ABTB3: variants seen among roughly 807,000 people sequenced by gnomAD.
The protein encoded by ABTB3 is ankyrin repeat and BTB domain containing 3.
chr12:107,581,158 C>T, the ABTB3 span: 4 of 1,543,884 alleles, frequency 2.6e-6, no homozygotes, highest in Non-Finnish European at 3.5e-6. Flanking sequence ...GCAGGCCCTT[C>T]CTCGTGCTGC....
chr12:107,369,720 T>C, the ABTB3 span, among the ~76,000 whole-genome samples: 1 of 147,438 alleles, frequency 6.8e-6, no homozygotes, highest in East Asian at 2.0e-4. Context: ...TTTTTTTTTT[T>C]TTTTTTTTTT....
At chr12:107,457,249 A>C in the ABTB3 span, among the ~76,000 whole-genome samples, 1 of 152,208 alleles carries the variant, frequency 6.6e-6, no homozygotes, top group Admixed American at 6.5e-5. Flanking sequence ...TAATGGTCTG[A>C]CAAGCTCATC....
the ABTB3 span, among the ~76,000 whole-genome samples, chr12:107,414,884 T>TAAGCC: frequency 6.6e-6 from 1 of 151,912 alleles, no homozygotes; most frequent in Non-Finnish European, 1.5e-5. Context: ...TGCCTGATTT[T>TAAGCC]TGTATTTTTA....
the ABTB3 span, among the ~76,000 whole-genome samples, chr12:107,582,796 C>G: frequency 6.6e-6 from 1 of 152,144 alleles, no homozygotes; most frequent in African/African-American, 2.4e-5. Flanking sequence ...CAGGGGTGGG[C>G]GGGGCACATT....
chr12:107,633,729 C>T, the ABTB3 span, among the ~76,000 whole-genome samples: 1 of 152,182 alleles, frequency 6.6e-6, no homozygotes, highest in African/African-American at 2.4e-5. Flanking sequence ...AAATTTATAG[C>T]CCACAGCCCA....
chr12:107,653,461 G>A, the ABTB3 span, among the ~76,000 whole-genome samples: 155 of 151,814 alleles, frequency 1.0e-3, no homozygotes, highest in African/African-American at 3.6e-3. Context: ...AGCGTGCAGT[G>A]AGTGGAGATC....
At chr12:107,417,006 G>T in the ABTB3 span, among the ~76,000 whole-genome samples, 2 of 152,178 alleles carry the variant, frequency 1.3e-5, no homozygotes, top group African/African-American at 4.8e-5. Context: ...CCCTAGTGAT[G>T]AATAAACAGG....
the ABTB3 span, among the ~76,000 whole-genome samples, chr12:107,567,128 A>T: frequency 6.6e-6 from 1 of 152,260 alleles, no homozygotes; most frequent in African/African-American, 2.4e-5. Context: ...CAATCAATCA[A>T]TTAAATCCAT....
the ABTB3 span, among the ~76,000 whole-genome samples, chr12:107,517,502 T>A: frequency 2.0e-5 from 3 of 152,214 alleles, no homozygotes; most frequent in Non-Finnish European, 2.9e-5. Context: ...ATCCATGAGC[T>A]TGGAATGTTC....
chr12:107,536,381 A>G, the ABTB3 span, among the ~76,000 whole-genome samples: 1 of 152,162 alleles, frequency 6.6e-6, no homozygotes, highest in Non-Finnish European at 1.5e-5. Flanking sequence ...AACCAAAAAT[A>G]GATAAATGAG....
chr12:107,498,618 C>T, the ABTB3 span, among the ~76,000 whole-genome samples: 42 of 152,140 alleles, frequency 2.8e-4, 1 homozygote, highest in African/African-American at 7.5e-4. Flanking sequence ...AAGCCCACAA[C>T]GGTCAATTAG....
At chr12:107,479,038 C>A in the ABTB3 span, among the ~76,000 whole-genome samples, 1 of 152,102 alleles carries the variant, frequency 6.6e-6, no homozygotes, top group Non-Finnish European at 1.5e-5. Flanking sequence ...AGGTATTTCA[C>A]AATGCTTTGA....
At chr12:107,330,235 A>G in the ABTB3 span, among the ~76,000 whole-genome samples, 1 of 152,202 alleles carries the variant, frequency 6.6e-6, no homozygotes, top group Non-Finnish European at 1.5e-5. Flanking sequence ...GCAGGCTTTT[A>G]TAGAGGGCAC....
the ABTB3 span, among the ~76,000 whole-genome samples, chr12:107,321,822 C>A: frequency 6.6e-6 from 1 of 152,168 alleles, no homozygotes; most frequent in Non-Finnish European, 1.5e-5. Flanking sequence ...CCATGACAAT[C>A]ATCTTTTACT....
the ABTB3 span, among the ~76,000 whole-genome samples, chr12:107,446,659 C>A: frequency 6.6e-6 from 1 of 152,134 alleles, no homozygotes; most frequent in African/African-American, 2.4e-5. Flanking sequence ...GCATCTGCAT[C>A]CATCCCCAGA....
the ABTB3 span, among the ~76,000 whole-genome samples, chr12:107,470,641 G>A: frequency 6.6e-6 from 1 of 152,230 alleles, no homozygotes; most frequent in African/African-American, 2.4e-5. Flanking sequence ...GCCATCTGCA[G>A]GGTCACCGCT....
chr12:107,542,923 T>C, the ABTB3 span, among the ~76,000 whole-genome samples: 1 of 151,810 alleles, frequency 6.6e-6, no homozygotes, highest in Non-Finnish European at 1.5e-5. Context: ...AAAGGAGGAG[T>C]TGGTCTTGTT....
chr12:107,627,180 G>T, the ABTB3 span, among the ~76,000 whole-genome samples: 5 of 152,324 alleles, frequency 3.3e-5, no homozygotes, highest in African/African-American at 1.2e-4. Context: ...GGACAAGTTT[G>T]TGTGTAGCAA....
At chr12:107,653,968 A>G in the ABTB3 span, among the ~76,000 whole-genome samples, 17,202 of 152,100 alleles carry the variant, frequency 0.11, 1,249 homozygotes, top group African/African-American at 0.2. Flanking sequence ...AGGCCCGGGT[A>G]TTTACCATTC....
Sources: gnomAD v4.1 joint callset for allele counts (sites outside exome capture counted in the v4.1 genomes callset) on GRCh38, gnomAD v4.1.1 for gene constraint, MANE v1.5 for transcripts, NCBI Gene and HGNC (gene_info 2026-07-23, HGNC 2026-07-21) for gene names.